Variants in NFASC observed in about 807,000 individuals in gnomAD.
NFASC encodes neurofascin homolog.
A neutral mutation model predicts 147.5 loss-of-function variants in NFASC; 43 were observed. The ratio of observed to expected loss-of-function variants is 0.29; its 90% confidence interval spans 0.23 to 0.38. NFASC has a LOEUF of 0.38. Among genes scored for constraint, NFASC ranks in the 10% least tolerant of loss-of-function variants. The pLI, the probability that NFASC is intolerant of heterozygous loss-of-function variation, is 1.00. For missense variants in NFASC, 1,320 were observed against 1,689.0 expected, an observed-to-expected ratio of 0.78 and a Z score of 3.83; for synonymous variants, 622 against 665.5, an observed-to-expected ratio of 0.93 and a Z score of 1.01.
intron 27 of NFASC, among the ~76,000 whole-genome samples, chr1:205,006,457 G>A (rs181667630): frequency 6.6e-6 from 1 of 152,336 alleles, no homozygotes. Flanking sequence ...CAGGGAGGAG[G>A]GGTAGAGTGT....
intron 1 of NFASC, among the ~76,000 whole-genome samples, chr1:204,877,025 T>A (rs1450311560): frequency 2.0e-5 from 2 of 101,516 alleles, no homozygotes; most frequent in Admixed American, 1.4e-4. Context: ...TATATATATA[T>A]ATAATATATA....
intron 17 of NFASC, 36 bp downstream of exon 17, chr1:204,977,761 C>T (rs1464214500): frequency 3.8e-6 from 6 of 1,588,614 alleles, no homozygotes; most frequent in East Asian, 2.2e-5. Flanking sequence ...TGCCAGTGCC[C>T]TCTCTTGGCA....
At position 204,979,945 on chromosome 1, in the gene NFASC, A is replaced by G. The variant is rs553787509; in HGVS notation, c.2176+386A>G. ...ATTTCTTTTCCTAACACTCTTGGGT[A>G]ATATTTGGATTTCTGAAATCACACC... is the stretch of plus-strand genomic sequence containing the variant. On this transcript the variant is annotated intron_variant, in intron 19 of 29. Transcript: ENST00000339876. The surrounding 1 kb of genome is among the most constrained non-coding windows in gnomAD (Gnocchi z 6.0). 1.3e-5 allele frequency among the ~76,000 whole-genome samples: 2 copies of G among 152,368 alleles called. No individual in the cohort carries two copies. Among genetic ancestry groups the G allele is most frequent in the South Asian group, 4.1e-4 (2 of 4,830 alleles).
chr1:205,012,244 A>G (rs1469241203), intron 28 of NFASC, among the ~76,000 whole-genome samples: 11 of 152,178 alleles, frequency 7.2e-5, no homozygotes, highest in Non-Finnish European at 1.6e-4. Context: ...AGTGGAGGAA[A>G]GGGGGCACGC....
intron 1 of NFASC, among the ~76,000 whole-genome samples, chr1:204,920,048 T>A (rs2090131691): frequency 6.6e-6 from 1 of 152,248 alleles, no homozygotes; most frequent in African/African-American, 2.4e-5. Context: ...CTGTCTATCA[T>A]GCCTTCTCCC....
chr1:204,996,621 C>T (rs959631944), intron 24 of NFASC, among the ~76,000 whole-genome samples: 2 of 152,210 alleles, frequency 1.3e-5, no homozygotes, highest in Non-Finnish European at 2.9e-5. Context: ...AGATTGTTCC[C>T]TCTCTGTCAT....
At chr1:204,930,524 G>A (rs1257927233) in intron 2 of NFASC, among the ~76,000 whole-genome samples, 1 of 152,150 alleles carries the variant, frequency 6.6e-6, no homozygotes, top group African/African-American at 2.4e-5. Flanking sequence ...TGTGTTTATT[G>A]TACTGTCTCA....
At chr1:204,859,950 T>C (rs1324475450) in intron 1 of NFASC, among the ~76,000 whole-genome samples, 1 of 152,126 alleles carries the variant, frequency 6.6e-6, no homozygotes, top group Non-Finnish European at 1.5e-5. Context: ...TAATAAAGCC[T>C]TGAGCTGGGG....
Position 204,974,832 on chromosome 1 carries a change from G to C in NFASC, c.1558+9G>C, listed in dbSNP as rs1225527085. ...CCGCCTGGAGGTCAAAGGTAAAGGA[G>C]AGGGTTCGCCAGTGGGAGTTTGGAG... On this transcript the variant is annotated intron_variant, in intron 14 of 29. Coordinates refer to ENST00000339876, the MANE Select transcript of NFASC (RefSeq NM_001005388.3). 1 of 1,613,348 alleles carries C rather than the reference G, an allele frequency of 6.2e-7. No individual in the cohort carries two copies. The highest frequency in any genetic ancestry group is 8.5e-7 in the Non-Finnish European group (1 of 1,179,660).
intron 21 of NFASC, chr1:204,984,163 C>T: frequency 1.3e-6 from 2 of 1,532,552 alleles, no homozygotes; most frequent in East Asian, 2.2e-5. Context: ...CAGCTCCGGA[C>T]TCACCTAACT....
In NFASC at chr1:205,022,719, T is replaced by C. The variant is rs997954789; in HGVS notation, c.*6180T>C. On this transcript the variant is annotated 3_prime_UTR_variant, in exon 30 of 30. Transcript: ENST00000339876. ...ACTTATAAACTGACTGCATGAGCAATGAAAAGGCCAAATTATTCTGAATTT... is the reference window on the plus strand; with the variant it reads ...ACTTATAAACTGACTGCATGAGCAACGAAAAGGCCAAATTATTCTGAATTT... The C allele has an allele frequency of 6.6e-6, 1 of 152,594 alleles. No individual in the cohort carries two copies. Among genetic ancestry groups the C allele is most frequent in the African/African-American group, 2.4e-5 (1 of 41,416 alleles). 9.5% of individuals were successfully genotyped at this position (152,594 alleles called of 1,614,324 possible). A position where few individuals can be genotyped will look rare whatever the true frequency, so the allele number is the denominator to read the frequency against.
intron 21 of NFASC, chr1:204,984,195 CA>C: frequency 8.3e-7 from 1 of 1,208,268 alleles, no homozygotes; most frequent in Non-Finnish European, 1.2e-6. Flanking sequence ...TAACCAGGGC[CA>C]GGGGTAGCAA....
chr1:204,969,536 G>C (rs1215868854), intron 10 of NFASC, among the ~76,000 whole-genome samples: 1 of 152,180 alleles, frequency 6.6e-6, no homozygotes, highest in Non-Finnish European at 1.5e-5. Flanking sequence ...TTTGGCCTGG[G>C]GCTGTATGGA....
chr1:204,997,471 A>T, intron 25 of NFASC, 65 bp downstream of exon 25: 1 of 1,529,498 alleles, frequency 6.5e-7, no homozygotes, highest in South Asian at 1.2e-5. Context: ...CTCCAGACGA[A>T]CCCACAGGCT....
At chr1:204,864,980 T>G (rs2076995077) in intron 1 of NFASC, among the ~76,000 whole-genome samples, 2 of 152,222 alleles carry the variant, frequency 1.3e-5, no homozygotes, top group Admixed American at 1.3e-4. Flanking sequence ...TGCTGGTGCA[T>G]TGGTGTTACA....
intron 8 of NFASC, among the ~76,000 whole-genome samples, chr1:204,959,312 T>C (rs1401245213): frequency 1.3e-5 from 2 of 152,164 alleles, no homozygotes; most frequent in Non-Finnish European, 2.9e-5. Context: ...CTCGAGTTCC[T>C]GGCAGGGTGA....
At chr1:204,892,875 C>T (rs2082667380) in intron 1 of NFASC, among the ~76,000 whole-genome samples, 2 of 152,332 alleles carry the variant, frequency 1.3e-5, no homozygotes, top group South Asian at 2.1e-4. Flanking sequence ...AGCACGCCCA[C>T]CTGGCATTTG....
chr1:205,002,682 T>G lies in NFASC; in HGVS notation c.3223T>G (p.Leu1075Val). Residue 1075 changes from leucine (L) to valine (V), a missense_variant, in exon 27 of 30, where the codon TTG (leucine) becomes GTG (valine). Leu to Val is a conservative substitution (Grantham distance 32, BLOSUM62 1). This residue lies in a region of NFASC where 167 missense variants were observed against 233.8 expected (regional missense o/e 0.71). Transcript: ENST00000339876. ...TDLYPGMTYT[L>V]RVYSRDNEGI... ...CCTCTATCCCGGGATGACATACACGTTGCGGGTTTATTCCCGGGACAACGA... is the reference window on the plus strand; with the variant it reads ...CCTCTATCCCGGGATGACATACACGGTGCGGGTTTATTCCCGGGACAACGA... The G allele has an allele frequency of 6.3e-7, 1 of 1,586,536 alleles. No individual in the cohort carries two copies. Among genetic ancestry groups the G allele is most frequent in the South Asian group, 1.1e-5 (1 of 88,786 alleles).
intron 24 of NFASC, among the ~76,000 whole-genome samples, chr1:204,992,603 G>A (rs1024834687): frequency 1.3e-5 from 2 of 152,204 alleles, no homozygotes; most frequent in Non-Finnish European, 2.9e-5. Context: ...GGGGAACAGG[G>A]TGAGAGCCAT....
Sources: allele counts gnomAD v4.1 joint callset (sites outside exome capture counted in the v4.1 genomes callset), GRCh38; gene constraint gnomAD v4.1.1; regional missense constraint gnomAD v4.1.1; non-coding constraint Gnocchi (gnomAD v3.1); transcripts MANE v1.5; gene names NCBI Gene and HGNC (gene_info 2026-07-23, HGNC 2026-07-21).